ALCAM: variants seen among roughly 807,000 people sequenced by gnomAD.
ALCAM encodes the protein activated leukocyte cell adhesion molecule, also known as CD166 antigen.
Under a neutral mutation model 70.9 loss-of-function variants are expected in ALCAM, and 30 were observed. The ratio of observed to expected loss-of-function variants is 0.42; its 90% CI spans 0.32 to 0.57. ALCAM has a LOEUF of 0.57. Among genes scored for constraint, ALCAM ranks in the 20% least tolerant of loss-of-function variants. ALCAM has a pLI of 0.11. For missense variants in ALCAM, 591 were observed against 695.1 expected (o/e 0.85, Z 1.68); for synonymous variants, 249 against 242.5 (o/e 1.03, Z -0.25).
intron 1 of ALCAM, among the ~76,000 whole-genome samples, chr3:105,445,376 C>G (rs2152587115): frequency 6.6e-6 from 1 of 152,034 alleles, no homozygotes; most frequent in Non-Finnish European, 1.5e-5. Flanking sequence ...GAATTAGAAC[C>G]CTTAATATTG....
At chr3:105,508,831 C>T (rs1413143354) in intron 1 of ALCAM, among the ~76,000 whole-genome samples, 1 of 133,236 alleles carries the variant, frequency 7.5e-6, no homozygotes, top group African/African-American at 2.7e-5. Context: ...CTAGTTGTGT[C>T]CTATACAGTT....
At chr3:105,375,639 G>C (rs141559012) in intron 1 of ALCAM, among the ~76,000 whole-genome samples, 1 of 152,094 alleles carries the variant, frequency 6.6e-6, no homozygotes, top group Non-Finnish European at 1.5e-5. Context: ...ACTTAGCTAC[G>C]GGGTTATTTA....
At chr3:105,533,715 G>A (rs1251072520) in intron 5 of ALCAM, 25 bp downstream of exon 5, 5 of 1,599,728 alleles carry the variant, frequency 3.1e-6, no homozygotes, top group Non-Finnish European at 2.6e-6. Flanking sequence ...AGGAGGACAG[G>A]GAGTACATTC....
chr3:105,555,582 C>G lies in ALCAM; in HGVS notation c.1664+2997C>G, dbSNP rs551851250. Among the ~76,000 whole-genome samples, 9 of 152,072 alleles carry G rather than the reference C, an allele frequency of 5.9e-5. No individual in the cohort carries two copies. In the South Asian group the frequency reaches 1.9e-3, roughly 32 times the overall value. On this transcript the variant is annotated intron_variant, in intron 14 of 15. Coordinates refer to ENST00000306107, the MANE Select transcript of ALCAM (RefSeq NM_001627.4). ...GCAGTGAAATTTTAGCAACATTTAG[C>G]TAAGTTCTTTGCATTGATAATTTTA...
intron 2 of ALCAM, 130 bp from the exon 3 acceptor site, chr3:105,524,159 T>C (rs1434032294): frequency 1.3e-6 from 1 of 784,744 alleles, no homozygotes; most frequent in Non-Finnish European, 2.0e-6. Flanking sequence ...GAGACTTGTA[T>C]AAAAATTATT....
chr3:105,462,195 A>G (rs1937612999), intron 1 of ALCAM, among the ~76,000 whole-genome samples: 1 of 151,742 alleles, frequency 6.6e-6, no homozygotes, highest in South Asian at 2.1e-4. Flanking sequence ...AACACATTTC[A>G]TTCAACAGCC....
chr3:105,430,084 T>C (rs1936890405), intron 1 of ALCAM, among the ~76,000 whole-genome samples: 1 of 151,992 alleles, frequency 6.6e-6, no homozygotes, highest in Non-Finnish European at 1.5e-5. Context: ...CACATTTTCA[T>C]GGACACTATA....
intron 1 of ALCAM, among the ~76,000 whole-genome samples, chr3:105,488,471 C>G (rs535308556): frequency 6.6e-6 from 1 of 151,870 alleles, no homozygotes; most frequent in African/African-American, 2.4e-5. Flanking sequence ...CTGTGAGGTA[C>G]AAATAAATGG....
At chr3:105,383,954 A>G (rs1347491190) in intron 1 of ALCAM, among the ~76,000 whole-genome samples, 1 of 151,674 alleles carries the variant, frequency 6.6e-6, no homozygotes, top group Non-Finnish European at 1.5e-5. Context: ...CTCATAATCT[A>G]GCAGAAATAA....
intron 3 of ALCAM, among the ~76,000 whole-genome samples, chr3:105,525,953 T>C (rs1047891127): frequency 6.6e-6 from 1 of 152,226 alleles, no homozygotes; most frequent in Non-Finnish European, 1.5e-5. Flanking sequence ...CAGTGGCCCA[T>C]GTATTTTTTT....
intron 1 of ALCAM, among the ~76,000 whole-genome samples, chr3:105,431,949 G>T (rs868736128): frequency 1.3e-5 from 2 of 152,090 alleles, no homozygotes; most frequent in Non-Finnish European, 2.9e-5. Flanking sequence ...TTTTAACAGA[G>T]TATGTTTCCA....
At position 105,483,753 on chromosome 3, in the gene ALCAM, T is replaced by G. The variant is rs1023877381; in HGVS notation, c.74-36314T>G. ...GATCATGCAGGAGATCAAGATACCATGGAGATCAAACAAGGAATGTGTGTT... is the reference window on the plus strand; with the variant it reads ...GATCATGCAGGAGATCAAGATACCAGGGAGATCAAACAAGGAATGTGTGTT... On this transcript the variant is annotated intron_variant, in intron 1 of 15. Coordinates refer to ENST00000306107, the MANE Select transcript of ALCAM (RefSeq NM_001627.4). Among the ~76,000 whole-genome samples, 13 of 152,196 alleles carry G rather than the reference T, an allele frequency of 8.5e-5. No individual in the cohort carries two copies. In the South Asian group the frequency reaches 1.9e-3, roughly 22 times the overall value.
At chr3:105,545,442 A>G in intron 9 of ALCAM, 107 bp downstream of exon 9, 1 of 711,134 alleles carries the variant, frequency 1.4e-6, no homozygotes, top group Non-Finnish European at 2.4e-6. Context: ...ATGTGTTTAT[A>G]TACCAGCTCT....
chr3:105,446,648 C>G (rs1260859734), intron 1 of ALCAM, among the ~76,000 whole-genome samples: 1 of 135,212 alleles, frequency 7.4e-6, no homozygotes, highest in East Asian at 2.4e-4. Context: ...CACACACACA[C>G]ACATAATGGA....
At chr3:105,384,424 C>T (rs1935599225) in intron 1 of ALCAM, among the ~76,000 whole-genome samples, 1 of 151,430 alleles carries the variant, frequency 6.6e-6, no homozygotes, top group Non-Finnish European at 1.5e-5. Flanking sequence ...TTTTTATAAG[C>T]TTTGTTTTAT....
chr3:105,438,559 T>C (rs1937104039), intron 1 of ALCAM, among the ~76,000 whole-genome samples: 1 of 152,218 alleles, frequency 6.6e-6, no homozygotes, highest in African/African-American at 2.4e-5. Flanking sequence ...TAATGAATTA[T>C]CTAATTATTA....
chr3:105,496,883 C>T (rs528534684), intron 1 of ALCAM, among the ~76,000 whole-genome samples: 17 of 149,578 alleles, frequency 1.1e-4, no homozygotes, highest in African/African-American at 3.2e-4. Flanking sequence ...TGTGGTGGAA[C>T]GTACAGAAAA....
chr3:105,451,719 G>A (rs886481334), intron 1 of ALCAM, among the ~76,000 whole-genome samples: 5 of 152,100 alleles, frequency 3.3e-5, no homozygotes, highest in Non-Finnish European at 5.9e-5. Context: ...AAACAAAACT[G>A]GTTTGATCTA....
intron 2 of ALCAM, among the ~76,000 whole-genome samples, chr3:105,523,459 A>G (rs1474415589): frequency 6.6e-6 from 1 of 152,242 alleles, no homozygotes; most frequent in Non-Finnish European, 1.5e-5. Flanking sequence ...AAAATTTGTC[A>G]TGGACTATAA....
Sources: gnomAD v4.1 joint callset for allele counts (sites outside exome capture counted in the v4.1 genomes callset) on GRCh38, gnomAD v4.1.1 for gene constraint, MANE v1.5 for transcripts, NCBI Gene and HGNC (gene_info 2026-07-23, HGNC 2026-07-21) for gene names.